The following DLG2 variants were observed in gnomAD, a reference collection of about 807,000 sequenced individuals.
DLG2 encodes disks large homolog 2.
DLG2 carries 45 observed loss-of-function variants against 132.5 expected under a neutral mutation model. The observed-to-expected ratio is 0.34, with a 90% CI of 0.27 to 0.44. The LOEUF (loss-of-function observed/expected upper bound fraction) is 0.44, where lower values mean the gene tolerates loss of function less well. DLG2 is among the 20% of genes least tolerant of loss of function. DLG2 has a pLI of 1.00. For synonymous variants in DLG2, 424 were observed against 419.6 expected, an observed-to-expected ratio of 1.01 and a Z score of -0.13; for missense variants, 1,045 against 1,196.9, an observed-to-expected ratio of 0.87 and a Z score of 1.87.
chr11:83,467,765 C>CTATA (rs1565338244), intron 25 of DLG2, among the ~76,000 whole-genome samples: 23 of 98,974 alleles, frequency 2.3e-4, no homozygotes, highest in Non-Finnish European at 4.1e-4. Flanking sequence ...AAAATAAAAA[C>CTATA]TATATGTATA....
At chr11:85,418,108 C>T (rs1202468294) in intron 3 of DLG2, among the ~76,000 whole-genome samples, 1 of 151,916 alleles carries the variant, frequency 6.6e-6, no homozygotes, top group Non-Finnish European at 1.5e-5. Flanking sequence ...TACTGCTTTA[C>T]CTGTGTCCCA....
chr11:85,158,190 G>C (rs1417235695), intron 4 of DLG2, among the ~76,000 whole-genome samples: 2 of 152,122 alleles, frequency 1.3e-5, no homozygotes, highest in Non-Finnish European at 2.9e-5. Flanking sequence ...TGAAGAACAG[G>C]CATGGGAATG....
intron 21 of DLG2, among the ~76,000 whole-genome samples, chr11:83,526,695 A>G (rs916714844): frequency 6.6e-6 from 1 of 152,224 alleles, no homozygotes; most frequent in Non-Finnish European, 1.5e-5. Flanking sequence ...ACTTGAGTCT[A>G]ACTTTCCAGT....
At chr11:83,473,078 C>G (rs2092262927) in intron 22 of DLG2, among the ~76,000 whole-genome samples, 1 of 152,140 alleles carries the variant, frequency 6.6e-6, no homozygotes, top group African/African-American at 2.4e-5. Flanking sequence ...CTACACCAAG[C>G]ATTACTACTT....
At chr11:83,747,153 C>A (rs925323971) in intron 18 of DLG2, among the ~76,000 whole-genome samples, 1 of 152,122 alleles carries the variant, frequency 6.6e-6, no homozygotes, top group East Asian at 1.9e-4. Context: ...GTATATCAAA[C>A]TCAAAATTAC....
At chr11:85,527,093 T>A (rs1253094837) in intron 3 of DLG2, among the ~76,000 whole-genome samples, 1 of 152,144 alleles carries the variant, frequency 6.6e-6, no homozygotes, top group African/African-American at 2.4e-5. Context: ...AAAGAAGATG[T>A]TCAAATTAAC....
At chr11:83,565,533 C>T (rs2096692367) in intron 19 of DLG2, among the ~76,000 whole-genome samples, 1 of 152,142 alleles carries the variant, frequency 6.6e-6, no homozygotes, top group African/African-American at 2.4e-5. Flanking sequence ...CTCAGAACTG[C>T]CAGAAATTTC....
intron 3 of DLG2, among the ~76,000 whole-genome samples, chr11:85,346,188 CTTT>C (rs370488898): frequency 6.9e-6 from 1 of 144,984 alleles, no homozygotes; most frequent in Admixed American, 6.9e-5. Context: ...AATTTTCTTT[CTTT>C]TTTTTTTTTT....
chr11:84,023,868 C>T (rs2095468805), intron 11 of DLG2, among the ~76,000 whole-genome samples: 1 of 152,122 alleles, frequency 6.6e-6, no homozygotes, highest in African/African-American at 2.4e-5. Context: ...AAGACCTTTA[C>T]AATAATCCGC....
intron 9 of DLG2, among the ~76,000 whole-genome samples, chr11:84,116,266 A>G (rs2093628776): frequency 6.6e-6 from 1 of 152,242 alleles, no homozygotes; most frequent in Admixed American, 6.5e-5. Flanking sequence ...TTTCAAATGT[A>G]AAAGCATTCG....
Position 85,015,754 on chromosome 11 carries a change from C to A in DLG2, c.357+95907G>T, listed in dbSNP as rs558507916. 2.0e-5 allele frequency among the ~76,000 whole-genome samples: 3 copies of A among 152,206 alleles called. No homozygotes were observed. The South Asian group carries it at 6.2e-4, about 32-fold the overall frequency. The stretch of plus-strand genomic sequence containing the variant: ...TACTCAGTAAACCGTAGCTATTTAT[C>A]TTCTGTGTCAAGAATTGTTTCCACA... On this transcript the variant is annotated intron_variant, in intron 6 of 27. Coordinates refer to ENST00000376104, the MANE Select transcript of DLG2 (RefSeq NM_001142699.3).
chr11:84,686,166 A>G (rs1171004297), intron 6 of DLG2, among the ~76,000 whole-genome samples: 1 of 151,928 alleles, frequency 6.6e-6, no homozygotes, highest in African/African-American at 2.4e-5. Context: ...CACTCAGTCA[A>G]CCTCCTGACT....
At chr11:84,544,298 T>G (rs1309728198) in intron 6 of DLG2, among the ~76,000 whole-genome samples, 1 of 152,132 alleles carries the variant, frequency 6.6e-6, no homozygotes, top group African/African-American at 2.4e-5. Context: ...ACCTATGAAC[T>G]GGGAAAATAA....
intron 8 of DLG2, among the ~76,000 whole-genome samples, chr11:84,225,319 C>T (rs2096975295): frequency 1.3e-5 from 2 of 152,214 alleles, no homozygotes; most frequent in Admixed American, 6.5e-5. Flanking sequence ...ATCACACACA[C>T]ATACTGTACA....
chr11:83,874,447 G>C lies in DLG2; in HGVS notation c.1538C>G (p.Thr513Ser). Residue 513 changes from threonine to serine, a missense_variant, in exon 16 of 28, where the codon ACT becomes AGT. Transcript: ENST00000376104. ...HSTATRQPSMTLQRAVSLEGE... is the reference protein window; with the variant it reads ...HSTATRQPSMSLQRAVSLEGE... ...TTCCAGGGAGACGGCCCGTTGGAGA[G>C]TCATTGAAGGCTGACGAGTTGCGGT... 2 of 1,601,538 alleles carry C rather than the reference G, an allele frequency of 1.2e-6. No individual in the cohort carries two copies. Among genetic ancestry groups the C allele is most frequent in the Non-Finnish European group, 1.7e-6 (2 of 1,172,376 alleles).
At chr11:85,483,875 C>T (rs992523383) in intron 3 of DLG2, among the ~76,000 whole-genome samples, 16 of 138,666 alleles carry the variant, frequency 1.2e-4, no homozygotes, top group Non-Finnish European at 2.3e-4. Context: ...ACCCAGGATG[C>T]AGAGGTTGCA....
intron 6 of DLG2, among the ~76,000 whole-genome samples, chr11:84,612,306 A>G (rs1412604079): frequency 4.0e-5 from 6 of 149,762 alleles, no homozygotes; most frequent in Non-Finnish European, 5.9e-5. Context: ...AAGTGTCACA[A>G]TTTTTTTTTT....
intron 6 of DLG2, among the ~76,000 whole-genome samples, chr11:84,874,257 TC>T (rs2085957198): frequency 6.6e-6 from 1 of 152,192 alleles, no homozygotes; most frequent in South Asian, 2.1e-4. Flanking sequence ...AAGGAAGGCT[TC>T]CTTTGAAGAA....
chr11:84,435,065 C>T (rs1006281617), intron 7 of DLG2, among the ~76,000 whole-genome samples: 2 of 151,942 alleles, frequency 1.3e-5, no homozygotes, highest in Non-Finnish European at 2.9e-5. Flanking sequence ...AAACAAAATT[C>T]AATAATAATC....
Sources: gnomAD v4.1 joint callset for allele counts (sites outside exome capture counted in the v4.1 genomes callset) on GRCh38, gnomAD v4.1.1 for gene constraint, MANE v1.5 for transcripts, NCBI Gene and HGNC (gene_info 2026-07-23, HGNC 2026-07-21) for gene names.